RAD51B: variants seen among roughly 807,000 people sequenced by gnomAD.
RAD51B encodes RAD51 paralog B.
RAD51B carries 38 observed loss-of-function variants against 42.2 expected under a neutral mutation model. The observed-to-expected ratio is 0.90, with a 90% CI of 0.70 to 1.18. The LOEUF (loss-of-function observed/expected upper bound fraction) is 1.18. Among genes scored for constraint, RAD51B ranks in the 50% most tolerant of loss-of-function variants. RAD51B has a pLI of 0.00. For missense variants in RAD51B, 373 were observed against 400.7 expected (o/e 0.93, Z 0.59); for synonymous variants, 154 against 145.2 (o/e 1.06, Z -0.43).
intron 11 of RAD51B, among the ~76,000 whole-genome samples, chr14:68,674,088 G>A (rs1595058560): frequency 1.3e-5 from 2 of 151,772 alleles, no homozygotes; most frequent in Middle Eastern, 6.8e-3. Flanking sequence ...ACTGTACACA[G>A]GTATACGCAC....
rs115707882 is a variant in RAD51B, at chr14:68,507,641, C to T, written c.1036+39391C>T. On this transcript the variant is annotated intron_variant, in intron 10 of 10. Coordinates refer to the RAD51B transcript ENST00000487270. Reference sequence around the variant, plus strand: ...CTCAGAGTCTACTTGCCAGTTTGTTCATCCAGATGGTGACCAGCTCACAAT... The same window carrying T: ...CTCAGAGTCTACTTGCCAGTTTGTTTATCCAGATGGTGACCAGCTCACAAT... 1.7e-3 allele frequency among the ~76,000 whole-genome samples: 266 copies of T among 152,342 alleles called. 1 individual carries two copies. The highest frequency in any genetic ancestry group is 6.2e-3 in the African/African-American group (259 of 41,586).
At chr14:68,207,839 C>T (rs992726398) in intron 7 of RAD51B, among the ~76,000 whole-genome samples, 2 of 151,564 alleles carry the variant, frequency 1.3e-5, no homozygotes, top group African/African-American at 2.4e-5. Context: ...TTTAGGAACT[C>T]ATTTGAGATT....
chr14:68,561,068 G>A (rs903315842), intron 10 of RAD51B, among the ~76,000 whole-genome samples: 3 of 152,118 alleles, frequency 2.0e-5, no homozygotes, highest in Admixed American at 1.3e-4. Flanking sequence ...GTTCCAAATG[G>A]TTTGGCAGAA....
At chr14:68,122,124 C>A (rs1226696399) in intron 7 of RAD51B, among the ~76,000 whole-genome samples, 5 of 151,602 alleles carry the variant, frequency 3.3e-5, no homozygotes, top group South Asian at 2.1e-4. Context: ...AAAATAAAAT[C>A]AAAAAAGTAT....
chr14:68,673,118 A>C (rs1893194418), intron 11 of RAD51B, among the ~76,000 whole-genome samples: 1 of 152,240 alleles, frequency 6.6e-6, no homozygotes, highest in African/African-American at 2.4e-5. Flanking sequence ...CAAGTCCAAC[A>C]TTTAGAAGCT....
chr14:68,096,736 CT>C (rs914378725), intron 7 of RAD51B, among the ~76,000 whole-genome samples: 3 of 152,170 alleles, frequency 2.0e-5, no homozygotes, highest in African/African-American at 7.2e-5. Flanking sequence ...TTCCTCTTTA[CT>C]TTGGTTGCCA....
intron 10 of RAD51B, among the ~76,000 whole-genome samples, chr14:68,475,015 C>T (rs1322918437): frequency 6.6e-6 from 1 of 152,128 alleles, no homozygotes; most frequent in Non-Finnish European, 1.5e-5. Context: ...GTTGCCGTTA[C>T]CATGGTCCAG....
chr14:68,469,093 G>A, intron 10 of RAD51B: 1 of 514,210 alleles, frequency 1.9e-6, no homozygotes, highest in Non-Finnish European at 3.9e-6. Context: ...TCTGCTGTGG[G>A]GCAGGAGACC....
chr14:68,291,362 C>A (rs562840740), intron 7 of RAD51B, among the ~76,000 whole-genome samples: 1 of 151,918 alleles, frequency 6.6e-6, no homozygotes, highest in East Asian at 1.9e-4. Flanking sequence ...TGCCACCATG[C>A]CTGACTAATT....
intron 10 of RAD51B, among the ~76,000 whole-genome samples, chr14:68,617,976 G>A (rs1166081076): frequency 1.3e-5 from 2 of 152,094 alleles, no homozygotes; most frequent in Non-Finnish European, 2.9e-5. Flanking sequence ...TTAAGAACAG[G>A]TTTTGATAAA....
At chr14:68,621,840 T>C (rs1425421811) in intron 10 of RAD51B, among the ~76,000 whole-genome samples, 2 of 152,214 alleles carry the variant, frequency 1.3e-5, no homozygotes, top group South Asian at 2.1e-4. Context: ...AGTGGTGACG[T>C]GGGTTCTGTG....
chr14:67,868,879 T>C (rs2140001636), intron 5 of RAD51B, among the ~76,000 whole-genome samples: 1 of 152,382 alleles, frequency 6.6e-6, no homozygotes, highest in African/African-American at 2.4e-5. Flanking sequence ...GAGGGTCCTG[T>C]CTGTTAGAAG....
chr14:68,037,072 C>T (rs2076137334), intron 7 of RAD51B, among the ~76,000 whole-genome samples: 1 of 61,698 alleles, frequency 1.6e-5, no homozygotes, highest in Admixed American at 1.9e-4. Flanking sequence ...CCCTCCCTTC[C>T]TTTATCCTTT....
chr14:68,155,015 T>C (rs1447105526), intron 7 of RAD51B, among the ~76,000 whole-genome samples: 1 of 152,164 alleles, frequency 6.6e-6, no homozygotes, highest in Non-Finnish European at 1.5e-5. Flanking sequence ...ATATTCTTCA[T>C]AAACATTTGC....
chr14:68,343,937 G>A (rs2082620227), intron 8 of RAD51B, among the ~76,000 whole-genome samples: 1 of 152,268 alleles, frequency 6.6e-6, no homozygotes, highest in Non-Finnish European at 1.5e-5. Flanking sequence ...GTCTGCAGGT[G>A]CACAGAGTGC....
chr14:68,364,082 G>A (rs576354114), intron 8 of RAD51B, among the ~76,000 whole-genome samples: 2 of 152,116 alleles, frequency 1.3e-5, no homozygotes, highest in Admixed American at 1.3e-4. Flanking sequence ...GCTTTGCTTC[G>A]CCATGTTCCT....
intron 7 of RAD51B, among the ~76,000 whole-genome samples, chr14:67,941,868 T>G (rs1367394466): frequency 6.6e-6 from 1 of 152,248 alleles, no homozygotes; most frequent in Non-Finnish European, 1.5e-5. Context: ...ATGTCTCATC[T>G]TTTATGCAGC....
At position 68,411,534 on chromosome 14, in the gene RAD51B, G is replaced by A; in HGVS notation, c.957+7G>A. On this transcript the variant is annotated splice_region_variant and intron_variant, in intron 9 of 10. Transcript: ENST00000471583. ...TGATTCAGAGAGAAGACAGGTGGGT[G>A]CTTTGACAGTATTCTCTGACTATGA... The A allele has an allele frequency of 6.2e-7, 1 of 1,610,808 alleles. No individual in the cohort carries two copies. Among genetic ancestry groups the A allele is most frequent in the South Asian group, 1.1e-5 (1 of 91,006 alleles).
Position 68,506,112 on chromosome 14 carries a change from C to CA in RAD51B, c.1036+37863dup, listed in dbSNP as rs1885298290. Among the ~76,000 whole-genome samples, 4 of 152,166 alleles carry CA rather than the reference C, an allele frequency of 2.6e-5. No homozygotes were observed. The South Asian group carries it at 8.3e-4, about 31-fold the overall frequency. On this transcript the variant is annotated intron_variant, in intron 10 of 10. Coordinates refer to the RAD51B transcript ENST00000487270. The stretch of plus-strand genomic sequence containing the variant: ...AGGCTTTCAGGACACAGTGTGCCCC[C>CA]AGGCAGCCTGGGCCTAGAACAGTTG...
Sources: allele counts gnomAD v4.1 joint callset (sites outside exome capture counted in the v4.1 genomes callset), GRCh38; gene constraint gnomAD v4.1.1; transcripts MANE v1.5; gene names NCBI Gene and HGNC (gene_info 2026-07-23, HGNC 2026-07-21).